Variants in MDN1 observed in about 807,000 individuals in gnomAD.
MDN1 encodes midasin AAA ATPase 1.
In MDN1, 266 loss-of-function variants were observed where a neutral mutation model predicts 669.2. That is an observed-to-expected ratio of 0.40 (90% CI 0.36 to 0.44). The LOEUF is 0.44. Among genes scored for constraint, MDN1 ranks in the 20% least tolerant of loss-of-function variants. The probability of loss-of-function intolerance (pLI) is 1.00; values close to 1 mark genes in which losing one functional copy is unlikely to be tolerated. For synonymous variants in MDN1, 2,385 were observed against 2,457.1 expected, an observed-to-expected ratio of 0.97 and a Z score of 0.87; for missense variants, 5,940 against 6,754.0, an observed-to-expected ratio of 0.88 and a Z score of 4.22.
intron 37 of MDN1, 120 bp from the exon 38 acceptor site, chr6:89,725,516 A>C: frequency 1.2e-6 from 1 of 852,048 alleles, no homozygotes; most frequent in Non-Finnish European, 1.8e-6. Context: ...AATTTCAAAC[A>C]ATATTGATAA....
At chr6:89,762,936 G>T (rs1217864465) in intron 15 of MDN1, among the ~76,000 whole-genome samples, 1 of 152,028 alleles carries the variant, frequency 6.6e-6, no homozygotes, top group Non-Finnish European at 1.5e-5. Context: ...CACACCTGCA[G>T]TCCCAGCTAC....
intron 83 of MDN1, among the ~76,000 whole-genome samples, chr6:89,670,170 A>ATATATATATTTT (rs1444537561): frequency 3.0e-4 from 7 of 23,412 alleles, no homozygotes; most frequent in African/African-American, 7.7e-4. Context: ...ATATATATAT[A>ATATATATATTTT]TTTTTTTTTT....
chr6:89,648,458 G>A, intron 97 of MDN1, 129 bp from the exon 98 acceptor site: 2 of 786,630 alleles, frequency 2.5e-6, no homozygotes, highest in Non-Finnish European at 4.2e-6. Flanking sequence ...AATAACATCA[G>A]TAAGGCTACT....
chr6:89,670,429 C>T (rs1562062850), intron 83 of MDN1, among the ~76,000 whole-genome samples: 1 of 151,840 alleles, frequency 6.6e-6, no homozygotes, highest in East Asian at 2.0e-4. Flanking sequence ...CCACCCGCCT[C>T]AGCCTCCCAA....
chr6:89,667,022 T>C (rs1420310467), intron 84 of MDN1, among the ~76,000 whole-genome samples: 1 of 152,232 alleles, frequency 6.6e-6, no homozygotes, highest in East Asian at 1.9e-4. Context: ...TACCTATTTA[T>C]CTTTGACACT....
At chr6:89,726,233 G>A (rs965254506) in intron 37 of MDN1, among the ~76,000 whole-genome samples, 1 of 152,104 alleles carries the variant, frequency 6.6e-6, no homozygotes, top group African/African-American at 2.4e-5. Context: ...GGCCGAGGCA[G>A]GTGGATCACT....
At chr6:89,702,095 A>G (rs1813200145) in intron 53 of MDN1, 34 bp from the exon 54 acceptor site, 2 of 1,554,890 alleles carry the variant, frequency 1.3e-6, no homozygotes, top group African/African-American at 2.8e-5. Context: ...AGATGGCATG[A>G]AGAAAGACTA....
intron 26 of MDN1, among the ~76,000 whole-genome samples, chr6:89,748,728 A>C (rs1816794097): frequency 6.6e-6 from 1 of 152,070 alleles, no homozygotes; most frequent in East Asian, 1.9e-4. Context: ...TTAAAAAAAA[A>C]AACTAAAAAT....
At chr6:89,654,099 TGA>T in intron 93 of MDN1, 63 bp downstream of exon 93, 1 of 1,558,924 alleles carries the variant, frequency 6.4e-7, no homozygotes, top group Non-Finnish European at 8.8e-7. Context: ...TAGATTATAG[TGA>T]GAGAGAACTG....
intron 33 of MDN1, among the ~76,000 whole-genome samples, chr6:89,736,095 T>C (rs1163102077): frequency 1.3e-5 from 2 of 152,242 alleles, no homozygotes; most frequent in African/African-American, 4.8e-5. Context: ...TCACAATTTT[T>C]TAAAGAAGTT....
In MDN1 at chr6:89,678,711, G is replaced by C. The variant is rs1584164576; in HGVS notation, c.12300C>G (p.Ser4100Arg). The C allele has an allele frequency of 3.1e-6, 5 of 1,613,754 alleles. No individual in the cohort carries two copies. The highest frequency in any genetic ancestry group is 4.2e-6 in the Non-Finnish European group (5 of 1,179,838). Residue 4100 changes from serine to arginine, a missense_variant, in exon 75 of 102, where the codon AGC becomes AGG. Ser to Arg is a moderately radical substitution (Grantham distance 110). Coordinates refer to ENST00000369393, the MANE Select transcript of MDN1 (RefSeq NM_014611.3). ...TCTCTGCAGAGGGTTCCACCTTTAA[G>C]CTCTGCAGCTCACTCACAGAGGAAA... ...EVISSVSELQ[S>R]LKVEPSAEKE...
intron 40 of MDN1, 85 bp from the exon 41 acceptor site, chr6:89,719,310 A>T: frequency 1.9e-6 from 2 of 1,076,124 alleles, no homozygotes; most frequent in South Asian, 2.6e-5. Flanking sequence ...GCACAGTGAT[A>T]AGAGTCACTA....
intron 2 of MDN1, among the ~76,000 whole-genome samples, chr6:89,800,585 G>A (rs1356065955): frequency 1.3e-5 from 2 of 152,076 alleles, no homozygotes; most frequent in Admixed American, 1.3e-4. Context: ...TCTTCTAACT[G>A]GCTCTTCCTG....
intron 20 of MDN1, 31 bp from the exon 21 acceptor site, chr6:89,754,261 A>G (rs1314145970): frequency 9.4e-6 from 15 of 1,602,250 alleles, no homozygotes; most frequent in Non-Finnish European, 1.0e-5. Flanking sequence ...AGGCAATTTT[A>G]TTTACTAATA....
chr6:89,734,179 G>A (rs1584286638), intron 33 of MDN1, among the ~76,000 whole-genome samples: 1 of 151,966 alleles, frequency 6.6e-6, no homozygotes. Context: ...CAGCTACTTG[G>A]GTGGCTGAGG....
intron 94 of MDN1, 62 bp from the exon 95 acceptor site, chr6:89,652,343 TG>T (rs1396850311): frequency 7.8e-7 from 1 of 1,275,328 alleles, no homozygotes; most frequent in Non-Finnish European, 1.1e-6. Flanking sequence ...TTAGTATCAC[TG>T]GGTGTCTTCC....
chr6:89,683,557 T>C (rs375246707), intron 72 of MDN1, among the ~76,000 whole-genome samples: 9 of 152,262 alleles, frequency 5.9e-5, no homozygotes, highest in Admixed American at 3.3e-4. Context: ...AAGAATGGGA[T>C]TGCTTTGCTC....
chr6:89,678,852 GT>G (rs1376346814), intron 74 of MDN1, 107 bp from the exon 75 acceptor site: 9 of 1,182,774 alleles, frequency 7.6e-6, no homozygotes, highest in Non-Finnish European at 1.1e-5. Flanking sequence ...CAAAGGCCAA[GT>G]ATCATTCATC....
Position 89,753,634 on chromosome 6 carries a change from A to G in MDN1, c.2965-12T>C, listed in dbSNP as rs1486980635. The G allele has an allele frequency of 1.3e-6, 2 of 1,575,088 alleles. No homozygotes were observed. The highest frequency in any genetic ancestry group is 3.3e-5 in the Admixed American group (2 of 59,958). ...CCCAAACAAAAACCCTAGAAAGAAA[A>G]GACAAATATGCATAATGCTAAATAA... On this transcript the variant is annotated splice_polypyrimidine_tract_variant and intron_variant, in intron 21 of 101. Coordinates refer to ENST00000369393, the MANE Select transcript of MDN1 (RefSeq NM_014611.3).
Sources: allele counts gnomAD v4.1 joint callset (sites outside exome capture counted in the v4.1 genomes callset), GRCh38; gene constraint gnomAD v4.1.1; transcripts MANE v1.5; gene names NCBI Gene and HGNC (gene_info 2026-07-23, HGNC 2026-07-21).